Variants in ELFN2 observed in about 807,000 individuals in gnomAD.
ELFN2 encodes extracellular leucine rich repeat and fibronectin type III domain containing 2, also known as protein phosphatase 1 regulatory subunit 29.
In ELFN2, 17 loss-of-function variants were observed where a neutral mutation model predicts 45.5. The ratio of observed to expected loss-of-function variants is 0.37; its 90% CI spans 0.26 to 0.56. The LOEUF (loss-of-function observed/expected upper bound fraction) is 0.56, where lower values mean the gene tolerates loss of function less well. Among genes scored for constraint, ELFN2 ranks in the 20% least tolerant of loss-of-function variants. The pLI is 0.77. For missense variants in ELFN2, 922 were observed against 1,183.2 expected (o/e 0.78, Z 3.24); for synonymous variants, 550 against 551.5 (o/e 1.00, Z 0.04).
chr22:37,344,518 A>C (rs1462522747), intron 1 of ELFN2, among the ~76,000 whole-genome samples: 1 of 151,912 alleles, frequency 6.6e-6, no homozygotes, highest in East Asian at 2.0e-4. Context: ...CTGCCCCCAC[A>C]CAGGTGGCCT....
rs1931467371 is a variant in ELFN2, at chr22:37,373,829, C to A, written c.1706G>T (p.Ser569Ile). The change falls in exon 3 of 3, where the codon AGT becomes ATT. Residue 569 changes from serine to isoleucine, a missense_variant. By Grantham distance (142) the Ser-to-Ile change is moderately radical (BLOSUM62 -2). Coordinates refer to ENST00000402918, the MANE Select transcript of ELFN2 (RefSeq NM_052906.5). ...CTCGAAGGCCAGCTCGGGGTCCCCACTGCTGCTGCCGCCTCCCAGAAAAGA... is the reference window on the plus strand; with the variant it reads ...CTCGAAGGCCAGCTCGGGGTCCCCAATGCTGCTGCCGCCTCCCAGAAAAGA... ...SASFLGGGSSSGDPELAFECQ... is the reference protein window; with the variant it reads ...SASFLGGGSSIGDPELAFECQ... The A allele has an allele frequency of 1.2e-6, 2 of 1,612,876 alleles. No homozygotes were observed. The highest frequency in any genetic ancestry group is 2.2e-5 in the South Asian group (2 of 91,092).
intron 2 of ELFN2, among the ~76,000 whole-genome samples, chr22:37,416,147 G>A (rs1485744577): frequency 6.6e-6 from 1 of 152,332 alleles, no homozygotes; most frequent in East Asian, 1.9e-4. Flanking sequence ...ACCAGAGCCA[G>A]GTTGCAAACC....
intron 1 of ELFN2, among the ~76,000 whole-genome samples, chr22:37,423,126 C>T (rs1322149569): frequency 2.0e-5 from 3 of 152,148 alleles, no homozygotes; most frequent in African/African-American, 7.2e-5. Context: ...GCAACCTCCC[C>T]ACTGTCACCC....
At chr22:37,363,256 T>A (rs925109636), downstream of ELFN2, among the ~76,000 whole-genome samples, 2 of 152,192 alleles carry the variant, frequency 1.3e-5, no homozygotes, top group Non-Finnish European at 2.9e-5. Flanking sequence ...GAAACCGGAC[T>A]GAAGTCTATA....
chr22:37,342,736 A>C (rs1413667396), intron 1 of ELFN2: 1 of 144,964 alleles, frequency 6.9e-6, no homozygotes, highest in African/African-American at 2.5e-5. Flanking sequence ...ACCTTTCATC[A>C]GAGCCAGTCT....
intron 1 of ELFN2, among the ~76,000 whole-genome samples, chr22:37,357,852 A>G (rs1208006972): frequency 6.6e-6 from 1 of 151,636 alleles, no homozygotes; most frequent in Non-Finnish European, 1.5e-5. Flanking sequence ...TTGTTGACAA[A>G]CTCTGTACTG....
At chr22:37,379,673 G>A (rs180912633) in intron 2 of ELFN2, among the ~76,000 whole-genome samples, 10 of 152,324 alleles carry the variant, frequency 6.6e-5, no homozygotes, top group Non-Finnish European at 1.3e-4. Context: ...CATGGGCAGA[G>A]AGGAGAGTCA....
intron 1 of ELFN2, chr22:37,354,753 T>A (rs1002866540): frequency 2.5e-4 from 38 of 152,072 alleles, no homozygotes; most frequent in Non-Finnish European, 5.3e-4. Flanking sequence ...TAATTTTTTT[T>A]TTTTTTTTTG....
intron 1 of ELFN2, among the ~76,000 whole-genome samples, chr22:37,358,946 C>T (rs1931014538): frequency 6.6e-6 from 1 of 152,134 alleles, no homozygotes; most frequent in Non-Finnish European, 1.5e-5. Flanking sequence ...TGGCAGGGGA[C>T]TGCCACTTAC....
At chr22:37,426,591 G>A (rs1359426555) in intron 1 of ELFN2, among the ~76,000 whole-genome samples, 1 of 139,142 alleles carries the variant, frequency 7.2e-6, no homozygotes, top group African/African-American at 2.8e-5. Context: ...CCTGACAGCT[G>A]CTGGAGCCCA....
At chr22:37,400,765 T>A (rs1932341359) in intron 2 of ELFN2, among the ~76,000 whole-genome samples, 1 of 151,910 alleles carries the variant, frequency 6.6e-6, no homozygotes, top group Non-Finnish European at 1.5e-5. Flanking sequence ...CGTGAGAGAG[T>A]CCATGCCGGA....
chr22:37,408,689 A>G (rs1185688290), intron 2 of ELFN2, among the ~76,000 whole-genome samples: 1 of 152,120 alleles, frequency 6.6e-6, no homozygotes, highest in Non-Finnish European at 1.5e-5. Flanking sequence ...GGCGCCCAAC[A>G]CAGCAAGGCA....
At chr22:37,403,749 G>T (rs1418633306) in intron 2 of ELFN2, among the ~76,000 whole-genome samples, 3 of 152,230 alleles carry the variant, frequency 2.0e-5, no homozygotes, top group Non-Finnish European at 4.4e-5. Flanking sequence ...CCCAAACGAG[G>T]TCTCACACAG....
At chr22:37,406,061 G>A (rs1036653688) in intron 2 of ELFN2, among the ~76,000 whole-genome samples, 2 of 152,114 alleles carry the variant, frequency 1.3e-5, no homozygotes, top group African/African-American at 4.8e-5. Context: ...AGGATCGCTT[G>A]AGCCTAGGAG....
chr22:37,385,520 C>T (rs928324113), intron 2 of ELFN2, among the ~76,000 whole-genome samples: 1 of 152,220 alleles, frequency 6.6e-6, no homozygotes, highest in Non-Finnish European at 1.5e-5. Flanking sequence ...CCTGGGTCTG[C>T]GTCCCCGGAG....
At chr22:37,425,854 G>A (rs1932843666) in intron 1 of ELFN2, among the ~76,000 whole-genome samples, 1 of 133,968 alleles carries the variant, frequency 7.5e-6, no homozygotes, top group African/African-American at 2.9e-5. Context: ...AGGGGTGTCA[G>A]CCATGCACAT....
intron 1 of ELFN2, among the ~76,000 whole-genome samples, chr22:37,345,126 C>G (rs1268808691): frequency 7.7e-6 from 1 of 129,852 alleles, no homozygotes; most frequent in Non-Finnish European, 1.8e-5. Context: ...TCCTGTGCCC[C>G]CTTCTGGGCC....
At position 37,417,192 on chromosome 22, in the gene ELFN2, CCTGT is replaced by C. The variant is rs1184560927; in HGVS notation, c.-463+573_-463+576del. ...AGGACGGAGCAGCTCCTTCTGCCTG[CCTGT>C]CTGCCTGTTTGCGGCCTCCTAGTGC... is the stretch of plus-strand genomic sequence containing the variant. On this transcript the variant is annotated intron_variant, in intron 2 of 2. Transcript: ENST00000402918. This position sits in a 1 kb window ranked among gnomAD's most constrained non-coding sequence, Gnocchi z 4.5. Among the ~76,000 whole-genome samples the C allele has an allele frequency of 5.3e-5, 8 of 152,212 alleles. No homozygotes were observed. The highest frequency in any genetic ancestry group is 1.9e-4 in the African/African-American group (8 of 41,462).
chr22:37,375,193 C>G lies in ELFN2; in HGVS notation c.342G>C (p.Lys114Asn). Residue 114 changes from lysine to asparagine, a missense_variant, in exon 3 of 3, where the codon AAG becomes AAC. Transcript: ENST00000402918. ...SLQVLQLGYN[K>N]LSNLTEGMLR... ...GCATGCCCTCCGTCAGGTTGCTGAG[C>G]TTGTTGTAGCCCAGCTGCAGGACCT... is the stretch of plus-strand genomic sequence containing the variant. 6.2e-7 allele frequency: 1 copy of G among 1,614,116 alleles called. No homozygotes were observed. Among genetic ancestry groups the G allele is most frequent in the East Asian group, 2.2e-5 (1 of 44,878 alleles).
Sources: allele counts gnomAD v4.1 joint callset (sites outside exome capture counted in the v4.1 genomes callset), GRCh38; gene constraint gnomAD v4.1.1; non-coding constraint Gnocchi (gnomAD v3.1); transcripts MANE v1.5; gene names NCBI Gene and HGNC (gene_info 2026-07-23, HGNC 2026-07-21).